The following SCAPER variants were observed in gnomAD, a reference collection of about 807,000 sequenced individuals.
The protein encoded by SCAPER is S-phase cyclin A associated protein in the ER.
In SCAPER, 98 loss-of-function variants were observed where a neutral mutation model predicts 182.2. The observed-to-expected ratio is 0.54, with a 90% confidence interval of 0.46 to 0.64. The LOEUF is 0.64. Ranked by LOEUF, SCAPER falls within the 30% of genes least tolerant of loss-of-function variation. The pLI is 0.00. For synonymous variants in SCAPER, 605 were observed against 564.6 expected, an observed-to-expected ratio of 1.07 and a Z score of -1.01; for missense variants, 1,432 against 1,690.0, an observed-to-expected ratio of 0.85 and a Z score of 2.68.
intron 20 of SCAPER, among the ~76,000 whole-genome samples, chr15:76,693,016 C>T (rs1248168705): frequency 1.3e-5 from 2 of 152,082 alleles, no homozygotes; most frequent in African/African-American, 4.8e-5. Flanking sequence ...GAGAGGGTTA[C>T]AAATTTCCCA....
chr15:76,598,327 T>C lies in SCAPER; in HGVS notation c.2711+23437A>G, dbSNP rs570668656. Among the ~76,000 whole-genome samples the C allele has an allele frequency of 1.2e-4, 14 of 121,226 alleles. 1 individual carries two copies. The highest frequency in any genetic ancestry group is 3.5e-4 in the African/African-American group (14 of 39,736). The allele number at this position is 121,226 out of a possible 152,430, so 79.5% of individuals were successfully genotyped here. ...GAATGCTAGAGGGGATGTGGAGAAA[T>C]AGGAACACTTTTTACACTGTTGGTG... On this transcript the variant is annotated intron_variant, in intron 22 of 31. Transcript: ENST00000563290.
intron 14 of SCAPER, among the ~76,000 whole-genome samples, chr15:76,764,752 C>A (rs2063010402): frequency 6.6e-6 from 1 of 152,114 alleles, no homozygotes; most frequent in African/African-American, 2.4e-5. Flanking sequence ...TCCACGCAAA[C>A]CCTGCAAAAT....
intron 17 of SCAPER, among the ~76,000 whole-genome samples, chr15:76,711,985 T>G (rs1448865155): frequency 6.6e-6 from 1 of 152,194 alleles, no homozygotes; most frequent in Non-Finnish European, 1.5e-5. Context: ...CCATTGCTTT[T>G]GGTGTTTTAG....
chr15:76,545,131 A>T (rs1388931047), intron 23 of SCAPER, among the ~76,000 whole-genome samples: 1 of 152,172 alleles, frequency 6.6e-6, no homozygotes, highest in African/African-American at 2.4e-5. Context: ...CTCTTAAATT[A>T]ACATTATGAA....
chr15:76,620,730 A>G (rs1396247202), intron 22 of SCAPER, among the ~76,000 whole-genome samples: 1 of 152,208 alleles, frequency 6.6e-6, no homozygotes. Context: ...TAAAAGAGTC[A>G]TCTATGCAAA....
chr15:76,689,925 T>TA (rs550127904), intron 20 of SCAPER, among the ~76,000 whole-genome samples: 182 of 129,306 alleles, frequency 1.4e-3, no homozygotes, highest in East Asian at 5.2e-3. Context: ...TAACTCAAAG[T>TA]AAAAAAAAAA....
At chr15:76,588,335 T>C (rs1439073770) in intron 22 of SCAPER, among the ~76,000 whole-genome samples, 2 of 152,258 alleles carry the variant, frequency 1.3e-5, no homozygotes, top group African/African-American at 4.8e-5. Context: ...ACATCTTTCA[T>C]CATTATATAA....
chr15:76,440,703 T>C (rs1384297335), intron 25 of SCAPER, among the ~76,000 whole-genome samples: 1 of 152,152 alleles, frequency 6.6e-6, no homozygotes, highest in Non-Finnish European at 1.5e-5. Context: ...TCATTTCCTA[T>C]ACGAAACAGT....
intron 3 of SCAPER, among the ~76,000 whole-genome samples, chr15:76,859,556 G>A (rs1482321466): frequency 2.0e-5 from 3 of 152,108 alleles, no homozygotes; most frequent in Admixed American, 6.5e-5. Flanking sequence ...CATAAAACAA[G>A]AACAAGCTGC....
intron 20 of SCAPER, among the ~76,000 whole-genome samples, chr15:76,698,799 G>C (rs1054054086): frequency 2.6e-5 from 4 of 152,234 alleles, no homozygotes; most frequent in Non-Finnish European, 5.9e-5. Flanking sequence ...ATTCTGTGAA[G>C]AATGTCATTG....
At chr15:76,769,709 T>C (rs1463530860) in intron 10 of SCAPER, among the ~76,000 whole-genome samples, 1 of 152,140 alleles carries the variant, frequency 6.6e-6, no homozygotes, top group Non-Finnish European at 1.5e-5. Context: ...GCTTTTACAC[T>C]GTTGGTGGGA....
intron 20 of SCAPER, among the ~76,000 whole-genome samples, chr15:76,685,531 G>C (rs1197641479): frequency 6.6e-6 from 1 of 151,990 alleles, no homozygotes; most frequent in Non-Finnish European, 1.5e-5. Flanking sequence ...AATACCGCCA[G>C]GGGGAATTAT....
chr15:76,434,168 T>C lies in SCAPER; in HGVS notation c.3221A>G (p.Gln1074Arg). The C allele has an allele frequency of 6.2e-7, 1 of 1,614,008 alleles. No homozygotes were observed. Among genetic ancestry groups the C allele is most frequent in the Non-Finnish European group, 8.5e-7 (1 of 1,179,884 alleles). ...TGTTGGTATTTTTGGGGTAGCTGGC[T>C]GGCAGTTTCCATCTGGTCGATTGGC... ...LIANRPDGNCQPATPKIPTQE... is the reference protein window; with the variant it reads ...LIANRPDGNCRPATPKIPTQE... Residue 1074 changes from glutamine to arginine, a missense_variant, in exon 26 of 32, where the codon CAG becomes CGG. Coordinates refer to ENST00000563290, the MANE Select transcript of SCAPER (RefSeq NM_020843.4).
intron 2 of SCAPER, among the ~76,000 whole-genome samples, chr15:76,863,198 T>C (rs187571790): frequency 1.3e-5 from 2 of 152,256 alleles, no homozygotes; most frequent in South Asian, 2.1e-4. Flanking sequence ...ATAAAGGAAA[T>C]TGCCTCCCCA....
At chr15:76,878,163 T>C (rs565796835) in intron 2 of SCAPER, among the ~76,000 whole-genome samples, 2 of 151,806 alleles carry the variant, frequency 1.3e-5, no homozygotes, top group South Asian at 2.1e-4. Context: ...AAATTAGCAA[T>C]TGGTAAGTCT....
intron 24 of SCAPER, among the ~76,000 whole-genome samples, chr15:76,494,525 T>G (rs975113450): frequency 2.6e-5 from 4 of 152,192 alleles, no homozygotes; most frequent in Non-Finnish European, 5.9e-5. Context: ...ACTCACAGTT[T>G]TTTTATATCA....
chr15:76,804,684 CTT>C (rs528321253), intron 5 of SCAPER, 51 bp from the exon 6 acceptor site: 1 of 1,199,286 alleles, frequency 8.3e-7, no homozygotes, highest in South Asian at 1.5e-5. Context: ...AGACTAAAAA[CTT>C]TGAAGAAAAA....
chr15:76,771,912 T>C lies in SCAPER; in HGVS notation c.1078A>G (p.Ile360Val). The stretch of plus-strand genomic sequence containing the variant: ...GAAGTTCGAACATAATTGTCTCGAA[T>C]ACTGCCAGAATTCTTCACATCATCC... Reference protein sequence around the residue: ...TLDDVKNSGSIRDNYVRTSEI... With the variant: ...TLDDVKNSGSVRDNYVRTSEI... Residue 360 changes from isoleucine to valine, a missense_variant, in exon 10 of 32, where the codon ATT becomes GTT. Physicochemically the swap from Ile to Val is conservative, Grantham distance 29. This residue lies in a region of SCAPER where 480 missense variants were observed against 510.2 expected (regional missense o/e 0.94). Coordinates refer to ENST00000563290, the MANE Select transcript of SCAPER (RefSeq NM_020843.4). The C allele has an allele frequency of 6.2e-7, 1 of 1,612,422 alleles. No individual in the cohort carries two copies. The highest frequency in any genetic ancestry group is 1.3e-5 in the African/African-American group (1 of 75,034).
chr15:76,879,561 G>A (rs1012974727), intron 2 of SCAPER, among the ~76,000 whole-genome samples: 2 of 152,146 alleles, frequency 1.3e-5, no homozygotes, highest in Non-Finnish European at 2.9e-5. Context: ...CATAAAGACA[G>A]CAAGCCTTAA....
Sources: gnomAD v4.1 joint callset for allele counts (sites outside exome capture counted in the v4.1 genomes callset) on GRCh38, gnomAD v4.1.1 for gene constraint, gnomAD v4.1.1 regional missense constraint, MANE v1.5 for transcripts, NCBI Gene and HGNC (gene_info 2026-07-23, HGNC 2026-07-21) for gene names.